The following PCYT1B variants were observed in gnomAD, a reference collection of about 807,000 sequenced individuals.
The protein encoded by PCYT1B is phosphate cytidylyltransferase 1B, choline, also known as choline-phosphate cytidylyltransferase B.
PCYT1B carries 10 observed loss-of-function variants against 26.4 expected under a neutral mutation model. That is an observed-to-expected ratio of 0.38 (90% CI 0.23 to 0.64). PCYT1B has a LOEUF of 0.64. Ranked by LOEUF, PCYT1B falls within the 30% of genes least tolerant of loss-of-function variation. The pLI is 0.56. For missense variants in PCYT1B, 161 were observed against 292.7 expected, an observed-to-expected ratio of 0.55 and a Z score of 3.28; for synonymous variants, 131 against 108.4, an observed-to-expected ratio of 1.21 and a Z score of -1.29.
At chrX:24,616,394 C>G (rs1417113339) in intron 2 of PCYT1B, among the ~76,000 whole-genome samples, 1 of 110,359 alleles carries the variant, frequency 9.1e-6, no homozygotes, top group Non-Finnish European at 1.9e-5. Context: ...TGCGCCACCA[C>G]GCCTGGCTAA....
chrX:24,573,123 T>C (rs1429989257), intron 7 of PCYT1B, among the ~76,000 whole-genome samples: 3 of 36,639 alleles, frequency 8.2e-5, no homozygotes, highest in Non-Finnish European at 1.4e-4. Context: ...CCCACACATA[T>C]ACACACACAT....
chrX:24,666,085 G>A (rs759648255), intron 1 of PCYT1B, among the ~76,000 whole-genome samples: 6 of 111,018 alleles, frequency 5.4e-5, no homozygotes, highest in Non-Finnish European at 9.4e-5. Flanking sequence ...CAATTTAGAC[G>A]CTAGGGTCAA....
chrX:24,646,903 A>G (rs1173268809), intron 1 of PCYT1B, 86 bp downstream of exon 1: 1 of 733,097 alleles, frequency 1.4e-6, no homozygotes, highest in East Asian at 3.2e-5. Context: ...TCCTCTAAGC[A>G]TCGTTTTCCT....
chrX:24,660,365 G>A (rs1028329336), intron 1 of PCYT1B, among the ~76,000 whole-genome samples: 5 of 112,355 alleles, frequency 4.5e-5, no homozygotes, highest in Non-Finnish European at 7.5e-5. Flanking sequence ...TAAAATGCCA[G>A]ATGAGAGGCC....
intron 1 of PCYT1B, among the ~76,000 whole-genome samples, chrX:24,663,961 C>G (rs112146590): frequency 0.013 from 1,448 of 110,575 alleles, 23 homozygotes; most frequent in African/African-American, 0.046. Flanking sequence ...CACAGCAAAC[C>G]CTGGAGGGCT....
intron 2 of PCYT1B, among the ~76,000 whole-genome samples, chrX:24,610,724 T>C (rs1602178868): frequency 8.9e-6 from 1 of 111,803 alleles, no homozygotes. Flanking sequence ...AAGCTCACTT[T>C]TAAAAATTGT....
Position 24,579,341 on chromosome X carries a change from T to G in PCYT1B, c.683A>C (p.Lys228Thr). Reference protein sequence around the residue: ...RRNLQRGYTAKELNVSFINEK... With the variant: ...RRNLQRGYTATELNVSFINEK... ...ATTTATAAAGCTGACATTCAGTTCC[T>G]TGGCTGTATACCCTCTCTGGAGGTT... Residue 228 changes from lysine (K) to threonine (T), a missense_variant, in exon 6 of 8, where the codon AAG (lysine) becomes ACG (threonine). Lys to Thr is a moderately conservative substitution (Grantham distance 78, BLOSUM62 -1). Around this residue, in one of 4 missense-constraint regions of PCYT1B, gnomAD observed 65 missense variants for 145.0 expected, o/e 0.45. Coordinates refer to ENST00000379144, the MANE Select transcript of PCYT1B (RefSeq NM_004845.5). 1 of 1,210,791 alleles carries G rather than the reference T, an allele frequency of 8.3e-7. No homozygotes were observed. Among genetic ancestry groups the G allele is most frequent in the Non-Finnish European group, 1.1e-6 (1 of 894,782 alleles).
intron 1 of PCYT1B, among the ~76,000 whole-genome samples, chrX:24,663,919 AAAAAC>A (rs372746345): frequency 7.4e-4 from 82 of 110,877 alleles, no homozygotes; most frequent in African/African-American, 2.6e-3. Flanking sequence ...ATTCCGTCTC[AAAAAC>A]AAAACAAAAC....
intron 1 of PCYT1B, among the ~76,000 whole-genome samples, chrX:24,653,649 A>G (rs192364247): frequency 3.9e-4 from 43 of 111,223 alleles, no homozygotes; most frequent in African/African-American, 1.4e-3. Flanking sequence ...CTGGAATCGG[A>G]TCATCTCCCA....
chrX:24,561,491 C>T lies in PCYT1B; in HGVS notation c.*802G>A, dbSNP rs899457761. The T allele has an allele frequency of 8.9e-6, 1 of 112,309 alleles. No homozygotes were observed. Among genetic ancestry groups the T allele is most frequent in the African/African-American group, 3.3e-5 (1 of 30,757 alleles). 9.3% of individuals were successfully genotyped at this position (112,309 alleles called of 1,213,427 possible). ...ATTTCTTGTCCGCTAAACCTGGAGGCAAAGCAAAGCAGCTCCTCTTTTTTA... is the reference window on the plus strand; with the variant it reads ...ATTTCTTGTCCGCTAAACCTGGAGGTAAAGCAAAGCAGCTCCTCTTTTTTA... On this transcript the variant is annotated 3_prime_UTR_variant, in exon 8 of 8. Coordinates refer to ENST00000379144, the MANE Select transcript of PCYT1B (RefSeq NM_004845.5).
chrX:24,588,707 G>A (rs1470105480), intron 4 of PCYT1B, among the ~76,000 whole-genome samples: 1 of 111,337 alleles, frequency 9.0e-6, no homozygotes, highest in Non-Finnish European at 1.9e-5. Context: ...CTGTGCATTG[G>A]CACATGCTTA....
intron 3 of PCYT1B, among the ~76,000 whole-genome samples, chrX:24,598,612 C>T (rs764968827): frequency 9.0e-6 from 1 of 111,446 alleles, no homozygotes; most frequent in African/African-American, 3.2e-5. Context: ...GTATAAATTA[C>T]ATTGCATTAC....
chrX:24,610,521 T>C (rs949308659), intron 2 of PCYT1B, among the ~76,000 whole-genome samples: 3 of 112,093 alleles, frequency 2.7e-5, no homozygotes, highest in African/African-American at 9.7e-5. Flanking sequence ...TGAGGAAAAT[T>C]TGTTTTAAGA....
intron 1 of PCYT1B, among the ~76,000 whole-genome samples, chrX:24,652,365 C>T (rs1279518223): frequency 1.8e-5 from 2 of 111,095 alleles, no homozygotes; most frequent in African/African-American, 6.5e-5. Context: ...TCAAGACCAG[C>T]CTAGCCAACA....
chrX:24,592,627 G>A (rs1924607032), intron 3 of PCYT1B, among the ~76,000 whole-genome samples: 1 of 111,202 alleles, frequency 9.0e-6, no homozygotes. Context: ...GAATGAGCCT[G>A]TTGAAGCTTG....
intron 3 of PCYT1B, among the ~76,000 whole-genome samples, chrX:24,597,586 C>G (rs755498694): frequency 1.8e-5 from 2 of 112,270 alleles, no homozygotes; most frequent in South Asian, 7.4e-4. Flanking sequence ...CCACCCAAAC[C>G]TTAATATGTT....
Position 24,624,305 on chromosome X carries a change from G to A in PCYT1B, c.118-5221C>T, listed in dbSNP as rs148530392. Among the ~76,000 whole-genome samples the A allele has an allele frequency of 2.1e-3, 237 of 111,696 alleles. 1 individual carries two copies. In the East Asian group the frequency reaches 0.027, roughly 13 times the overall value. ...TTCTTAACTCCAGTGGGGCAATCCC[G>A]TCAGACAGGCCTGAGTTCAAATCCT... On this transcript the variant is annotated intron_variant, in intron 1 of 7. Coordinates refer to ENST00000379144, the MANE Select transcript of PCYT1B (RefSeq NM_004845.5).
intron 7 of PCYT1B, among the ~76,000 whole-genome samples, chrX:24,562,932 G>A (rs1229107773): frequency 2.7e-5 from 3 of 110,538 alleles, no homozygotes; most frequent in East Asian, 5.7e-4. Flanking sequence ...TCACCATGTT[G>A]GTCAGGCTGG....
intron 1 of PCYT1B, among the ~76,000 whole-genome samples, chrX:24,667,996 A>G (rs1199776635): frequency 1.8e-5 from 2 of 112,417 alleles, no homozygotes; most frequent in African/African-American, 3.2e-5. Context: ...CTAAAAAGAC[A>G]TGGCATTAAT....
Sources: allele counts gnomAD v4.1 joint callset (sites outside exome capture counted in the v4.1 genomes callset), GRCh38; gene constraint gnomAD v4.1.1; regional missense constraint gnomAD v4.1.1; transcripts MANE v1.5; gene names NCBI Gene and HGNC (gene_info 2026-07-23, HGNC 2026-07-21).